Variants in TCAF2 observed in about 807,000 individuals in gnomAD.
The protein encoded by TCAF2 is TRPM8 channel associated factor 2, also known as TRPM8 channel-associated factor 2.
TCAF2 carries 6 observed loss-of-function variants against 33.9 expected under a neutral mutation model. The observed-to-expected ratio is 0.18, with a 90% CI of 0.10 to 0.35. TCAF2 has a LOEUF of 0.35. Ranked by LOEUF, TCAF2 falls within the 10% of genes least tolerant of loss-of-function variation. TCAF2 has a pLI of 1.00. For synonymous variants in TCAF2, 41 were observed against 247.8 expected, an observed-to-expected ratio of 0.17 and a Z score of 7.84; for missense variants, 109 against 604.0, an observed-to-expected ratio of 0.18 and a Z score of 8.59.
chr7:143,725,428 A>G (rs1178504799), intron 7 of TCAF2, among the ~76,000 whole-genome samples: 1 of 151,924 alleles, frequency 6.6e-6, no homozygotes, highest in Admixed American at 6.6e-5. Context: ...CCACAGCTCT[A>G]TGGATAGGAG....
Position 143,622,578 on chromosome 7 carries a change from CTTTAT to C in TCAF2, c.-12+1587_-12+1591del, listed in dbSNP as rs558506518. On this transcript the variant is annotated intron_variant, in intron 1 of 7. Transcript: ENST00000684770. ...CTTTGCTTTATTTTATTTTACTTTACTTTATTTTATTTTATTTTATTTTATTTTAT... is the reference window on the plus strand; with the variant it reads ...CTTTGCTTTATTTTATTTTACTTTACTTTATTTTATTTTATTTTATTTTAT... 5.7e-3 allele frequency among the ~76,000 whole-genome samples: 208 copies of C among 36,754 alleles called. 31 individuals are homozygous for C. The highest frequency in any genetic ancestry group is 0.026 in the East Asian group (11 of 428). 24.1% of individuals were successfully genotyped at this position (36,754 alleles called of 152,430 possible). A position where few individuals can be genotyped will look rare whatever the true frequency, so the allele number is the denominator to read the frequency against.
At position 143,730,068 on chromosome 7, in the gene TCAF2, A is replaced by T. The variant is rs1221444025; in HGVS notation, c.*2401A>T. On this transcript the variant is annotated 3_prime_UTR_variant, in exon 8 of 8. Coordinates refer to ENST00000684770, the MANE Select transcript of TCAF2 (RefSeq NM_001363538.2). ...TTGTAAATAATGCTGCAATAAAAGT[A>T]TGTGTGCATGTGTCTTTATAGTAGA... 1 of 152,192 alleles carries T rather than the reference A, an allele frequency of 6.6e-6. No homozygotes were observed. Among genetic ancestry groups the T allele is most frequent in the African/African-American group, 2.4e-5 (1 of 41,434 alleles). The allele number at this position is 152,192 out of a possible 1,614,324, so 9.4% of individuals were successfully genotyped here. A position where few individuals can be genotyped will look rare whatever the true frequency, so the allele number is the denominator to read the frequency against.
intron 1 of TCAF2, among the ~76,000 whole-genome samples, chr7:143,701,752 T>TTTTACTTTACTTTAC (rs1340554239): frequency 4.7e-5 from 4 of 85,452 alleles, no homozygotes; most frequent in African/African-American, 1.4e-4. Flanking sequence ...CTTTGCTTTA[T>TTTTACTTTACTTTAC]TTTATTTTAC....
chr7:143,728,680 T>G lies in TCAF2; in HGVS notation c.*1013T>G, dbSNP rs61482968. 0.19 allele frequency: 28,628 copies of G among 152,142 alleles called. 3,218 individuals are homozygous for G. The highest frequency in any genetic ancestry group is 0.37 in the East Asian group (1,929 of 5,156). 9.4% of individuals were successfully genotyped at this position (152,142 alleles called of 1,614,324 possible). ...AGTGGTGGGGGGTCCACAGGCACAG[T>G]GGGCTTCACTCTGGAACAGGATTAC... On this transcript the variant is annotated 3_prime_UTR_variant, in exon 8 of 8. Transcript: ENST00000684770.
rs1809771241 is a variant in TCAF2, at chr7:143,729,699, CCAT to C, written c.*2037_*2039del. On this transcript the variant is annotated 3_prime_UTR_variant, in exon 8 of 8. Coordinates refer to ENST00000684770, the MANE Select transcript of TCAF2 (RefSeq NM_001363538.2). The stretch of plus-strand genomic sequence containing the variant: ...ATGGTGGTTTGCTGCACCTATCAAT[CCAT>C]CATCTAGATTTTAAGCTCTGCATGC... 1.3e-5 allele frequency: 2 copies of C among 151,916 alleles called. No homozygotes were observed. 9.4% of individuals were successfully genotyped at this position (151,916 alleles called of 1,614,324 possible).
chr7:143,724,874 G>C (rs965854230), intron 7 of TCAF2, 177 bp downstream of exon 7: 2 of 1,464,690 alleles, frequency 1.4e-6, no homozygotes, highest in African/African-American at 2.9e-5. Flanking sequence ...CCCCTCTAAG[G>C]CAGAGAGAAT....
At chr7:143,622,453 C>T (rs1444289194) in intron 1 of TCAF2, among the ~76,000 whole-genome samples, 29 of 970 alleles carry the variant, frequency 0.03, 1 homozygote, top group African/African-American at 0.075. Flanking sequence ...CCCTCGGCAA[C>T]CCGGGAAACT....
In TCAF2 at chr7:143,730,093, A is replaced by G. The variant is rs183773145; in HGVS notation, c.*2426A>G. The stretch of plus-strand genomic sequence containing the variant: ...ATGTGTGCATGTGTCTTTATAGTAG[A>G]ATGGTTTATAGTCCTTTGGGTGTAT... On this transcript the variant is annotated 3_prime_UTR_variant, in exon 8 of 8. Transcript: ENST00000684770. The G allele has an allele frequency of 1.1e-3, 173 of 152,288 alleles. 1 individual carries two copies. Among genetic ancestry groups the G allele is most frequent in the African/African-American group, 3.8e-3 (158 of 41,538 alleles). 9.4% of individuals were successfully genotyped at this position (152,288 alleles called of 1,614,324 possible).
rs1480710712 is a variant in TCAF2, at chr7:143,621,006, C to T, written c.-26C>T. The T allele has an allele frequency of 4.6e-6, 1 of 216,518 alleles. No homozygotes were observed. The highest frequency in any genetic ancestry group is 5.1e-5 in the Admixed American group (1 of 19,600). The allele number at this position is 216,518 out of a possible 1,614,324, so 13.4% of individuals were successfully genotyped here. ...AGCCTGTCCGTCAGTCCCTAGGTATCCGCACTGCTCAGGGGTGAGTTTTCC... is the reference window on the plus strand; with the variant it reads ...AGCCTGTCCGTCAGTCCCTAGGTATTCGCACTGCTCAGGGGTGAGTTTTCC... On this transcript the variant is annotated 5_prime_UTR_variant, in exon 1 of 8. Coordinates refer to ENST00000684770, the MANE Select transcript of TCAF2 (RefSeq NM_001363538.2).
chr7:143,724,426 T>C lies in TCAF2; in HGVS notation c.2234T>C (p.Met745Thr). The C allele has an allele frequency of 4.4e-6, 7 of 1,607,030 alleles. No individual in the cohort carries two copies. Among genetic ancestry groups the C allele is most frequent in the Non-Finnish European group, 5.9e-6 (7 of 1,177,868 alleles). The change falls in exon 7 of 8, where the codon ATG (methionine) becomes ACG (threonine). Residue 745 changes from methionine (M) to threonine (T), a missense_variant. Physicochemically the swap from Met to Thr is moderately conservative, Grantham distance 81 (BLOSUM62 -1). Coordinates refer to ENST00000684770, the MANE Select transcript of TCAF2 (RefSeq NM_001363538.2). ...LESVKEIINE[M>T]DMRSRGVWGP... ...TCTGTGAAGGAGATCATCAATGAGA[T>C]GGACATGAGGAGCAGGGGTGTGTGG...
Position 143,729,916 on chromosome 7 carries a change from A to G in TCAF2, c.*2249A>G, listed in dbSNP as rs1438857967. On this transcript the variant is annotated 3_prime_UTR_variant, in exon 8 of 8. Coordinates refer to ENST00000684770, the MANE Select transcript of TCAF2 (RefSeq NM_001363538.2). ...AGAATTATGGCTTCCAGCTTCATCC[A>G]TGTCCCTGCAAAGGACATGAACTCA... 2 of 152,070 alleles carry G rather than the reference A, an allele frequency of 1.3e-5. No individual in the cohort carries two copies. The highest frequency in any genetic ancestry group is 2.9e-5 in the Non-Finnish European group (2 of 68,016). The allele number at this position is 152,070 out of a possible 1,614,324, so 9.4% of individuals were successfully genotyped here. A position where few individuals can be genotyped will look rare whatever the true frequency, so the allele number is the denominator to read the frequency against.
intron 2 of TCAF2, among the ~76,000 whole-genome samples, chr7:143,718,414 AT>A (rs999585428): frequency 6.7e-6 from 1 of 150,000 alleles, no homozygotes; most frequent in Non-Finnish European, 1.5e-5. Flanking sequence ...TTGGTTTTTT[AT>A]TTTTTTTACC....
intron 7 of TCAF2, among the ~76,000 whole-genome samples, chr7:143,725,480 G>C (rs926433479): frequency 6.6e-6 from 1 of 151,862 alleles, no homozygotes; most frequent in Non-Finnish European, 1.5e-5. Context: ...CTATTTTAAA[G>C]AATTTAAGCA....
chr7:143,725,368 G>A (rs1028438313), intron 7 of TCAF2, among the ~76,000 whole-genome samples: 3 of 151,964 alleles, frequency 2.0e-5, no homozygotes, highest in African/African-American at 7.3e-5. Context: ...GAATGTCGAT[G>A]TTTTCGAGTT....
intron 1 of TCAF2, among the ~76,000 whole-genome samples, chr7:143,701,762 C>CTTTACTTTATTTTATTTTAT (rs1165396537): frequency 3.1e-5 from 3 of 97,368 alleles, no homozygotes; most frequent in African/African-American, 8.7e-5. Flanking sequence ...TTTTATTTTA[C>CTTTACTTTATTTTATTTTAT]TTTATTTTAT....
intron 1 of TCAF2, among the ~76,000 whole-genome samples, chr7:143,648,547 G>A (rs1809113606): frequency 7.8e-6 from 1 of 127,464 alleles, no homozygotes; most frequent in South Asian, 2.8e-4. Flanking sequence ...TCTCCGTAGG[G>A]TAGTTCTGAT....
intron 2 of TCAF2, among the ~76,000 whole-genome samples, chr7:143,718,615 A>G (rs1809409683): frequency 6.9e-6 from 1 of 145,264 alleles, no homozygotes; most frequent in South Asian, 2.3e-4. Flanking sequence ...GTTTTAAAAA[A>G]ATTCTTGAAA....
Position 143,730,223 on chromosome 7 carries a change from A to C in TCAF2, c.*2556A>C, listed in dbSNP as rs1251008845. On this transcript the variant is annotated 3_prime_UTR_variant, in exon 8 of 8. Transcript: ENST00000684770. ...GGTTGAACTAATTTACACTCCCAAC[A>C]ACAGTGTAAAAGCATTCCTGTTTCT... The C allele has an allele frequency of 5.3e-5, 8 of 152,200 alleles. No homozygotes were observed. The allele number at this position is 152,200 out of a possible 1,614,324, so 9.4% of individuals were successfully genotyped here. A position where few individuals can be genotyped will look rare whatever the true frequency, so the allele number is the denominator to read the frequency against.
At position 143,720,268 on chromosome 7, in the gene TCAF2, C is replaced by CT; in HGVS notation, c.1209_1210insT (p.Val404CysfsTer5). 3 of 866,828 alleles carry CT rather than the reference C, an allele frequency of 3.5e-6. No individual in the cohort carries two copies. Among genetic ancestry groups the CT allele is most frequent in the South Asian group, 1.6e-5 (1 of 63,396 alleles). 53.7% of individuals were successfully genotyped at this position (866,828 alleles called of 1,614,324 possible). ...AGACTCTCAAAGCAGGCTGCTTCCC[C>CT]GTTCCCACCCCTGAGATGAGAAGCT... is the stretch of plus-strand genomic sequence containing the variant. On this transcript the variant is annotated frameshift_variant, in exon 3 of 8. Coordinates refer to ENST00000684770, the MANE Select transcript of TCAF2 (RefSeq NM_001363538.2). LOFTEE classifies it high-confidence loss of function.
Sources: gnomAD v4.1 joint callset for allele counts (sites outside exome capture counted in the v4.1 genomes callset) on GRCh38, gnomAD v4.1.1 for gene constraint, MANE v1.5 for transcripts, NCBI Gene and HGNC (gene_info 2026-07-23, HGNC 2026-07-21) for gene names.